The following PCM1 variants were observed in gnomAD, a reference collection of about 807,000 sequenced individuals.
PCM1 encodes the protein pericentriolar material 1.
PCM1 carries 157 observed loss-of-function variants against 241.9 expected under a neutral mutation model. The observed-to-expected ratio is 0.65, with a 90% CI of 0.57 to 0.74. The LOEUF (loss-of-function observed/expected upper bound fraction) is 0.74. Among genes scored for constraint, PCM1 ranks in the 30% least tolerant of loss-of-function variants. PCM1 has a pLI of 0.00. For missense variants in PCM1, 3,478 were observed against 2,360.1 expected (o/e 1.47, Z -9.81); for synonymous variants, 1,085 against 784.9 (o/e 1.38, Z -6.39).
At chr8:17,936,760 C>G (rs1322465460) in intron 3 of PCM1, among the ~76,000 whole-genome samples, 1 of 152,098 alleles carries the variant, frequency 6.6e-6, no homozygotes, top group South Asian at 2.1e-4. Context: ...CTTTTTGATA[C>G]GTACTGACTT....
chr8:17,928,935 A>G (rs1365659639), intron 2 of PCM1, among the ~76,000 whole-genome samples: 1 of 152,058 alleles, frequency 6.6e-6, no homozygotes, highest in Non-Finnish European at 1.5e-5. Flanking sequence ...CCCGACCAGT[A>G]TCTCCCTCCT....
chr8:17,954,456 CAACTT>C (rs1212952718), intron 9 of PCM1, among the ~76,000 whole-genome samples: 19 of 150,262 alleles, frequency 1.3e-4, no homozygotes, highest in African/African-American at 3.7e-4. Context: ...AAGAAAAAAA[CAACTT>C]AACATGTGAA....
In PCM1 at chr8:18,011,725, T is replaced by C. The variant is rs1244642410; in HGVS notation, c.5409T>C (p.Asn1803=). The change falls in exon 34 of 39, where the codon AAT becomes AAC. Residue 1803 remains asparagine, a synonymous_variant. Transcript: ENST00000325083. ...ATTATGGAAGTGGAGAAGATGAAAATGAGGATGAAGAAATGGAAGAATTTG... is the reference window on the plus strand; with the variant it reads ...ATTATGGAAGTGGAGAAGATGAAAACGAGGATGAAGAAATGGAAGAATTTG... The part of the protein sequence containing the change: ...LTNYGSGEDE[N]EDEEMEEFEE... 4 of 1,613,436 alleles carry C rather than the reference T, an allele frequency of 2.5e-6. No homozygotes were observed. The highest frequency in any genetic ancestry group is 3.4e-6 in the Non-Finnish European group (4 of 1,179,636).
rs1334479032 is a variant in PCM1, at chr8:18,029,240, T to A, written c.*1578T>A. 9.7e-5 allele frequency: 20 copies of A among 205,976 alleles called. No homozygotes were observed. In the Admixed American group the frequency reaches 1.2e-3, roughly 12 times the overall value. The allele number at this position is 205,976 out of a possible 1,614,324, so 12.8% of individuals were successfully genotyped here. A position where few individuals can be genotyped will look rare whatever the true frequency, so the allele number is the denominator to read the frequency against. On this transcript the variant is annotated 3_prime_UTR_variant, in exon 39 of 39. Coordinates refer to ENST00000325083, the MANE Select transcript of PCM1 (RefSeq NM_006197.4). ...ATTCAAGGAGTATTAAATGAGGATT[T>A]CCCTGCGAGGACATTTACTGTATTG...
Position 17,960,005 on chromosome 8 carries a change from C to T in PCM1, c.2041-9C>T, listed in dbSNP as rs770458226. 4 of 1,610,980 alleles carry T rather than the reference C, an allele frequency of 2.5e-6. No individual in the cohort carries two copies. Among genetic ancestry groups the T allele is most frequent in the Non-Finnish European group, 3.4e-6 (4 of 1,178,456 alleles). ...TCAAGATTGTTTTAATGTAATGATG[C>T]TCTTTCAGGATGATGATGCAGCTCA... is the stretch of plus-strand genomic sequence containing the variant. On this transcript the variant is annotated splice_polypyrimidine_tract_variant and intron_variant, in intron 13 of 38. Transcript: ENST00000325083.
intron 13 of PCM1, among the ~76,000 whole-genome samples, 179 bp downstream of exon 13, chr8:17,957,954 T>A (rs2069440201): frequency 6.6e-6 from 1 of 152,234 alleles, no homozygotes; most frequent in African/African-American, 2.4e-5. Flanking sequence ...CTTTTTAAAT[T>A]AAGAGTGAGT....
rs1314761738 is a variant in PCM1, at chr8:17,966,979, G to A, written c.3222-1G>A. The A allele has an allele frequency of 6.3e-7, 1 of 1,597,860 alleles. No homozygotes were observed. Among genetic ancestry groups the A allele is most frequent in the Non-Finnish European group, 8.5e-7 (1 of 1,172,018 alleles). Reference sequence around the variant, plus strand: ...TAGATTACTGACTTAAATCTTTGTAGGTTGAAACAAATGCTAAATGAACTT... The same window carrying A: ...TAGATTACTGACTTAAATCTTTGTAAGTTGAAACAAATGCTAAATGAACTT... On this transcript the variant is annotated splice_acceptor_variant, in intron 20 of 38. Coordinates refer to ENST00000325083, the MANE Select transcript of PCM1 (RefSeq NM_006197.4). LOFTEE classifies it high-confidence loss of function.
chr8:17,948,827 A>G (rs2064896283), intron 7 of PCM1, among the ~76,000 whole-genome samples: 1 of 152,186 alleles, frequency 6.6e-6, no homozygotes, highest in Non-Finnish European at 1.5e-5. Flanking sequence ...TCGAGTTTGG[A>G]ATATCAGATT....
chr8:17,972,354 G>A lies in PCM1; in HGVS notation c.3610G>A (p.Val1204Met). ...GAATAAAAAACTGCCTGAAGAGGAG[G>A]TGGAAAGCAGTAGGACACCATGGTT... is the stretch of plus-strand genomic sequence containing the variant. ...PRNKKLPEEE[V>M]ESSRTPWLYE... The change falls in exon 23 of 39, where the codon GTG becomes ATG. Residue 1204 changes from valine (V) to methionine (M), a missense_variant. Coordinates refer to ENST00000325083, the MANE Select transcript of PCM1 (RefSeq NM_006197.4). The A allele has an allele frequency of 2.0e-6, 3 of 1,524,294 alleles. No homozygotes were observed. Among genetic ancestry groups the A allele is most frequent in the East Asian group, 2.3e-5 (1 of 43,886 alleles). The allele number at this position is 1,524,294 out of a possible 1,614,324, so 94.4% of individuals were successfully genotyped here.
intron 2 of PCM1, among the ~76,000 whole-genome samples, chr8:17,935,138 G>T (rs534193654): frequency 2.0e-5 from 3 of 152,176 alleles, no homozygotes; most frequent in South Asian, 4.1e-4. Flanking sequence ...TTGCAGAGCA[G>T]TTCTCCCGTC....
intron 17 of PCM1, 67 bp from the exon 18 acceptor site, chr8:17,964,501 A>G (rs2074029245): frequency 1.7e-6 from 2 of 1,162,276 alleles, no homozygotes; most frequent in Non-Finnish European, 2.5e-6. Flanking sequence ...TGTCTGGCAC[A>G]TAGTAGGTGG....
At chr8:17,962,451 A>C (rs1052007845) in intron 16 of PCM1, among the ~76,000 whole-genome samples, 3 of 152,186 alleles carry the variant, frequency 2.0e-5, no homozygotes, top group African/African-American at 7.2e-5. Context: ...GTTCTTTGTT[A>C]GTAAATATTT....
At chr8:18,001,978 C>G (rs535665505) in intron 29 of PCM1, among the ~76,000 whole-genome samples, 1 of 108,052 alleles carries the variant, frequency 9.3e-6, no homozygotes, top group South Asian at 3.6e-4. Flanking sequence ...ATCCTTTTGC[C>G]GCTGCTTCTA....
chr8:17,935,839 G>A (rs962018692), intron 3 of PCM1, 133 bp downstream of exon 3: 52 of 488,934 alleles, frequency 1.1e-4, no homozygotes, highest in East Asian at 1.9e-4. Flanking sequence ...ACCCTGGGCC[G>A]TTTATTATAT....
rs1303039275 is a variant in PCM1, at chr8:17,972,525, T to G, written c.3781T>G (p.Phe1261Val). 5.6e-6 allele frequency: 9 copies of G among 1,613,914 alleles called. No individual in the cohort carries two copies. Among genetic ancestry groups the G allele is most frequent in the Non-Finnish European group, 7.6e-6 (9 of 1,179,814 alleles). The change falls in exon 23 of 39, where the codon TTT becomes GTT. Residue 1261 changes from phenylalanine to valine, a missense_variant. Phe to Val is a conservative substitution (Grantham distance 50). Coordinates refer to ENST00000325083, the MANE Select transcript of PCM1 (RefSeq NM_006197.4). ...GTTTGATGAAGAATCACTGGAAAGC[T>G]TTAGCAGTATGCCTGATCCAGTAGA... ...RQFDEESLES[F>V]SSMPDPVDPT...
Position 17,960,427 on chromosome 8 carries a change from G to A in PCM1, c.2305G>A (p.Ala769Thr). 1.9e-6 allele frequency: 3 copies of A among 1,597,376 alleles called. No individual in the cohort carries two copies. The highest frequency in any genetic ancestry group is 2.6e-6 in the Non-Finnish European group (3 of 1,174,292). ...IQEKIQALQTACPDLQLSAAS... is the reference protein window; with the variant it reads ...IQEKIQALQTTCPDLQLSAAS... ...GGAGAAAATTCAAGCATTGCAAACG[G>A]CATGCCCTGACTTACAGGTAATTAT... is the stretch of plus-strand genomic sequence containing the variant. The change falls in exon 15 of 39, where the codon GCA (alanine) becomes ACA (threonine). Residue 769 changes from alanine (A) to threonine (T), a missense_variant. Ala to Thr is a moderately conservative substitution (Grantham distance 58). Coordinates refer to ENST00000325083, the MANE Select transcript of PCM1 (RefSeq NM_006197.4).
At chr8:17,952,252 T>TAAAA (rs869261114) in intron 8 of PCM1, among the ~76,000 whole-genome samples, 1 of 128,348 alleles carries the variant, frequency 7.8e-6, no homozygotes. Flanking sequence ...AATAAATAAA[T>TAAAA]AAAAAATAAA....
At chr8:17,979,192 A>C (rs1489664653) in intron 23 of PCM1, among the ~76,000 whole-genome samples, 1 of 152,082 alleles carries the variant, frequency 6.6e-6, no homozygotes, top group Admixed American at 6.6e-5. Context: ...AGTGTACATC[A>C]TTGTAAATGA....
intron 16 of PCM1, among the ~76,000 whole-genome samples, chr8:17,962,587 G>T (rs372363387): frequency 8.6e-4 from 131 of 152,088 alleles, no homozygotes; most frequent in Non-Finnish European, 8.5e-4. Flanking sequence ...AATTTCTGAA[G>T]TATATTTGAG....
Sources: allele counts gnomAD v4.1 joint callset (sites outside exome capture counted in the v4.1 genomes callset), GRCh38; gene constraint gnomAD v4.1.1; transcripts MANE v1.5; gene names NCBI Gene and HGNC (gene_info 2026-07-23, HGNC 2026-07-21).